DDX31: variants seen among roughly 807,000 people sequenced by gnomAD.
DDX31 encodes the protein DEAD-box helicase 31.
DDX31 carries 70 observed loss-of-function variants against 91.3 expected under a neutral mutation model. The ratio of observed to expected loss-of-function variants is 0.77; its 90% confidence interval spans 0.63 to 0.94. The LOEUF (loss-of-function observed/expected upper bound fraction) is 0.94, where lower values mean the gene tolerates loss of function less well. Ranked by LOEUF, DDX31 falls within the 40% of genes least tolerant of loss-of-function variation. DDX31 has a pLI of 0.00. For synonymous variants in DDX31, 362 were observed against 350.6 expected (o/e 1.03, Z -0.36); for missense variants, 902 against 925.0 (o/e 0.98, Z 0.32).
chr9:132,594,963 A>C lies in DDX31; in HGVS notation c.2144T>G (p.Leu715Arg). Residue 715 changes from leucine to arginine, a missense_variant, in exon 20 of 20, where the codon CTG (leucine) becomes CGG (arginine). Leu to Arg is a moderately radical substitution (Grantham distance 102, BLOSUM62 -2). Transcript: ENST00000372159. ...EPGGRPLQHSLQPTPCFGRGK... is the reference protein window; with the variant it reads ...EPGGRPLQHSRQPTPCFGRGK... ...ACGGCCAAAGCAGGGTGTCGGCTGC[A>C]GACTGTGCTGCAGGGGCCGGCCACC... The C allele has an allele frequency of 6.2e-7, 1 of 1,614,174 alleles. No homozygotes were observed. Among genetic ancestry groups the C allele is most frequent in the Non-Finnish European group, 8.5e-7 (1 of 1,180,040 alleles).
rs544013257 is a variant in DDX31 at position 132,629,587 on chromosome 9, T to C, written c.1631+677A>G. On this transcript the variant is annotated intron_variant, in intron 16 of 19. Coordinates refer to ENST00000372159, the MANE Select transcript of DDX31 (RefSeq NM_022779.9). ...AGAACGTAGTGCTTTTTTCTAGCAC[T>C]GTACTTTAGGGGAGAAAAGTGTTGC... Among the ~76,000 whole-genome samples the C allele has an allele frequency of 2.0e-5, 3 of 152,322 alleles. No individual in the cohort carries two copies. The East Asian group carries it at 5.8e-4, about 29-fold the overall frequency.
chr9:132,599,222 C>A (rs1830599759), intron 19 of DDX31, among the ~76,000 whole-genome samples: 1 of 152,222 alleles, frequency 6.6e-6, no homozygotes, highest in Non-Finnish European at 1.5e-5. Flanking sequence ...ATCCCCACTT[C>A]CTGGTAAGGA....
intron 18 of DDX31, among the ~76,000 whole-genome samples, chr9:132,617,360 G>GACTAA (rs1831706279): frequency 6.6e-6 from 1 of 151,584 alleles, no homozygotes; most frequent in African/African-American, 2.4e-5. Flanking sequence ...CCTTTAAATG[G>GACTAA]ACTAATCTGT....
intron 1 of DDX31, among the ~76,000 whole-genome samples, chr9:132,665,129 G>A (rs1019764821): frequency 2.6e-5 from 4 of 152,128 alleles, no homozygotes; most frequent in African/African-American, 9.7e-5. Context: ...CACAAGAAAG[G>A]GGCCAGTCTG....
chr9:132,645,545 ACCCTT>A (rs1338576561), intron 13 of DDX31, among the ~76,000 whole-genome samples: 1 of 151,894 alleles, frequency 6.6e-6, no homozygotes, highest in Non-Finnish European at 1.5e-5. Flanking sequence ...AAAAGGCAAA[ACCCTT>A]CCCTGGTGCC....
rs1830406023 is a variant in DDX31 at position 132,595,689 on chromosome 9, C to A, written c.1995-577G>T. ...AAAAACTCTTAAACATATTTCTGAC[C>A]CTACAAAACCCAAACCCAGGGCACA... On this transcript the variant is annotated intron_variant, in intron 19 of 19. Transcript: ENST00000372159. This position sits in a 1 kb window ranked among gnomAD's most constrained non-coding sequence, Gnocchi z 4.6. Among the ~76,000 whole-genome samples the A allele has an allele frequency of 6.6e-6, 1 of 152,140 alleles. No homozygotes were observed. The highest frequency in any genetic ancestry group is 6.5e-5 in the Admixed American group (1 of 15,280).
chr9:132,635,612 C>CT (rs1370727958), intron 14 of DDX31, among the ~76,000 whole-genome samples: 1 of 151,212 alleles, frequency 6.6e-6, no homozygotes, highest in Admixed American at 6.6e-5. Flanking sequence ...CTGTACATAG[C>CT]TTTTTTGAAA....
At chr9:132,596,623 A>G (rs1207441035) in intron 19 of DDX31, among the ~76,000 whole-genome samples, 1 of 152,214 alleles carries the variant, frequency 6.6e-6, no homozygotes, top group East Asian at 1.9e-4. Flanking sequence ...TTTACAGACA[A>G]GGACACAAAG....
intron 4 of DDX31, among the ~76,000 whole-genome samples, chr9:132,660,308 C>A (rs1282085127): frequency 6.7e-6 from 1 of 148,450 alleles, no homozygotes; most frequent in Non-Finnish European, 1.5e-5. Context: ...GCACTCCAGC[C>A]TGGGCAACAA....
At position 132,647,315 on chromosome 9, in the gene DDX31, C is replaced by T. The variant is rs189641956; in HGVS notation, c.968-257G>A. On this transcript the variant is annotated intron_variant, in intron 11 of 19. Coordinates refer to ENST00000372159, the MANE Select transcript of DDX31 (RefSeq NM_022779.9). ...GTCCAAAAGATAGCAACAGATACTG[C>T]GCCCACCCCCACCTCCCAAAAGGGT... Among the ~76,000 whole-genome samples the T allele has an allele frequency of 1.5e-4, 23 of 152,246 alleles. 1 individual carries two copies. Among genetic ancestry groups the T allele is most frequent in the Admixed American group, 1.0e-3 (16 of 15,294 alleles).
intron 13 of DDX31, among the ~76,000 whole-genome samples, chr9:132,644,201 C>G (rs1220648209): frequency 6.6e-6 from 1 of 152,166 alleles, no homozygotes; most frequent in African/African-American, 2.4e-5. Flanking sequence ...AAATACTACA[C>G]AGACATTCTA....
At position 132,647,028 on chromosome 9, in the gene DDX31, T is replaced by C. The variant is rs753365509; in HGVS notation, c.998A>G (p.His333Arg). ...GVTRLADISL[H>R]DPVSISVLDK... ...CAGGACAGAAATACTGACTGGATCA[T>C]GCAAACTGATATCAGCTAGCCGCGT... The change falls in exon 12 of 20, where the codon CAT becomes CGT. Residue 333 changes from histidine to arginine, a missense_variant. Physicochemically the swap from His to Arg is conservative, Grantham distance 29. Coordinates refer to ENST00000372159, the MANE Select transcript of DDX31 (RefSeq NM_022779.9). The C allele has an allele frequency of 3.7e-6, 6 of 1,613,956 alleles. No homozygotes were observed. Among genetic ancestry groups the C allele is most frequent in the Non-Finnish European group, 5.1e-6 (6 of 1,180,014 alleles).
chr9:132,636,524 A>C (rs1404655324), intron 14 of DDX31, among the ~76,000 whole-genome samples: 2 of 152,218 alleles, frequency 1.3e-5, no homozygotes, highest in East Asian at 3.8e-4. Context: ...AGACTCTAAA[A>C]TAACATGTGA....
At chr9:132,655,515 A>G (rs776833525) in intron 6 of DDX31, among the ~76,000 whole-genome samples, 11 of 152,256 alleles carry the variant, frequency 7.2e-5, no homozygotes, top group Non-Finnish European at 1.3e-4. Context: ...CCAGGAGGAT[A>G]TACAAGAGAC....
rs1437580453 is a variant in DDX31, at chr9:132,595,773, C to G, written c.1995-661G>C. Among the ~76,000 whole-genome samples the G allele has an allele frequency of 1.3e-5, 2 of 152,218 alleles. No individual in the cohort carries two copies. The highest frequency in any genetic ancestry group is 4.8e-5 in the African/African-American group (2 of 41,446). The stretch of plus-strand genomic sequence containing the variant: ...GCAGCTTTCTGCAGCCCACACAAAC[C>G]CGGGTGTTAGAGGGAGGTCTCTCCC... On this transcript the variant is annotated intron_variant, in intron 19 of 19. Coordinates refer to ENST00000372159, the MANE Select transcript of DDX31 (RefSeq NM_022779.9). The surrounding 1 kb of genome is among the most constrained non-coding windows in gnomAD (Gnocchi z 4.6).
intron 6 of DDX31, among the ~76,000 whole-genome samples, chr9:132,654,375 C>G: frequency 6.6e-6 from 1 of 152,166 alleles, no homozygotes; most frequent in Admixed American, 6.5e-5. Context: ...CTTTGGGAGG[C>G]TGAGGTGGGT....
rs1457515513 is a variant in DDX31 at position 132,658,948 on chromosome 9, A to G, written c.524-213T>C. Among the ~76,000 whole-genome samples the G allele has an allele frequency of 2.0e-5, 3 of 152,334 alleles. No individual in the cohort carries two copies. The East Asian group carries it at 5.8e-4, about 29-fold the overall frequency. On this transcript the variant is annotated intron_variant, in intron 5 of 19. Coordinates refer to ENST00000372159, the MANE Select transcript of DDX31 (RefSeq NM_022779.9). ...TTGCTTTGTAAAATGAGTACTTCTAAAAAACTAGAAGCTTCAGTTCCTTTA... is the reference window on the plus strand; with the variant it reads ...TTGCTTTGTAAAATGAGTACTTCTAGAAAACTAGAAGCTTCAGTTCCTTTA...
intron 18 of DDX31, among the ~76,000 whole-genome samples, chr9:132,617,102 T>C (rs1346054401): frequency 6.6e-6 from 1 of 152,070 alleles, no homozygotes; most frequent in African/African-American, 2.4e-5. Context: ...AGACCCAAAG[T>C]CCTACGTGAT....
intron 14 of DDX31, among the ~76,000 whole-genome samples, chr9:132,641,138 A>C (rs1212162515): frequency 1.3e-5 from 2 of 152,244 alleles, no homozygotes; most frequent in Non-Finnish European, 2.9e-5. Context: ...CTCTACACTT[A>C]AGACAGAAAA....
Sources: allele counts gnomAD v4.1 joint callset (sites outside exome capture counted in the v4.1 genomes callset), GRCh38; gene constraint gnomAD v4.1.1; non-coding constraint Gnocchi (gnomAD v3.1); transcripts MANE v1.5; gene names NCBI Gene and HGNC (gene_info 2026-07-23, HGNC 2026-07-21).